WNT6: variants seen among roughly 807,000 people sequenced by gnomAD.
WNT6 encodes Wnt family member 6.
Under a neutral mutation model 33.1 loss-of-function variants are expected in WNT6, and 27 were observed. The observed-to-expected ratio is 0.82, with a 90% confidence interval of 0.60 to 1.12. WNT6 has a LOEUF of 1.12. WNT6 is among the 50% of genes most tolerant of loss of function. WNT6 has a pLI of 0.00. For synonymous variants in WNT6, 249 were observed against 242.8 expected, an observed-to-expected ratio of 1.03 and a Z score of -0.24; for missense variants, 494 against 535.3, an observed-to-expected ratio of 0.92 and a Z score of 0.76.
In WNT6 at chr2:218,873,108, C is replaced by G. The variant is rs1017177658; in HGVS notation, c.637-276C>G. On this transcript the variant is annotated intron_variant, in intron 3 of 3. Coordinates refer to ENST00000233948, the MANE Select transcript of WNT6 (RefSeq NM_006522.4). This position sits in a 1 kb window ranked among gnomAD's most constrained non-coding sequence, Gnocchi z 6.1. ...TGTCCATTCTGCTTTCTCCCCCACCCCCTGCCTTTGGACCCTGGAATCTCT... is the reference window on the plus strand; with the variant it reads ...TGTCCATTCTGCTTTCTCCCCCACCGCCTGCCTTTGGACCCTGGAATCTCT... 2.0e-5 allele frequency among the ~76,000 whole-genome samples: 3 copies of G among 152,148 alleles called. No individual in the cohort carries two copies. The highest frequency in any genetic ancestry group is 1.3e-4 in the Admixed American group (2 of 15,280).
intron 1 of WNT6, among the ~76,000 whole-genome samples, chr2:218,866,190 C>A (rs1315812525): frequency 6.6e-6 from 1 of 152,170 alleles, no homozygotes; most frequent in Non-Finnish European, 1.5e-5. Flanking sequence ...GGGCTCAGGG[C>A]TCCCTCTGCT....
intron 3 of WNT6, among the ~76,000 whole-genome samples, chr2:218,872,588 G>A (rs1944412650): frequency 6.6e-6 from 1 of 152,294 alleles, no homozygotes; most frequent in Non-Finnish European, 1.5e-5. Flanking sequence ...GACTCAGGAG[G>A]TGGGAGTGGG....
At chr2:218,861,356 A>G (rs896402516) in intron 1 of WNT6, among the ~76,000 whole-genome samples, 5 of 152,218 alleles carry the variant, frequency 3.3e-5, no homozygotes, top group African/African-American at 1.2e-4. Flanking sequence ...TTTGAAGCAG[A>G]TAGATCTAAG....
In WNT6 at chr2:218,873,581, G is replaced by T. The variant is rs2106006802; in HGVS notation, c.834G>T (p.Pro278=). 6.5e-7 allele frequency: 1 copy of T among 1,542,646 alleles called. No individual in the cohort carries two copies. Residue 278 remains proline (P), a synonymous_variant, in exon 4 of 4, where the codon CCG becomes CCT. Transcript: ENST00000233948. This position sits in a 1 kb window ranked among gnomAD's most constrained non-coding sequence, Gnocchi z 6.1. ...TGCCCGCCGTCCGCACGCTCAAGCC[G>T]CCGGGCCGAGCGGACCTCCTCTACG... The part of the protein sequence containing the change: ...ALLPAVRTLK[P]PGRADLLYAA...
Position 218,873,571 on chromosome 2 carries a change from C to T in WNT6, c.824C>T (p.Thr275Met), listed in dbSNP as rs1357292601. 1.9e-6 allele frequency: 3 copies of T among 1,539,706 alleles called. No homozygotes were observed. Among genetic ancestry groups the T allele is most frequent in the Non-Finnish European group, 2.6e-6 (3 of 1,146,868 alleles). ...AAGGCCCTGCTGCCCGCCGTCCGCA[C>T]GCTCAAGCCGCCGGGCCGAGCGGAC... is the stretch of plus-strand genomic sequence containing the variant. ...DGKALLPAVR[T>M]LKPPGRADLL... The change falls in exon 4 of 4, where the codon ACG becomes ATG. Residue 275 changes from threonine (T) to methionine (M), a missense_variant. Transcript: ENST00000233948. This position sits in a 1 kb window ranked among gnomAD's most constrained non-coding sequence, Gnocchi z 6.1.
Position 218,867,719 on chromosome 2 carries a change from G to A in WNT6, c.81-3308G>A, listed in dbSNP as rs1391744518. 6.6e-6 allele frequency among the ~76,000 whole-genome samples: 1 copy of A among 152,152 alleles called. No individual in the cohort carries two copies. Among genetic ancestry groups the A allele is most frequent in the Non-Finnish European group, 1.5e-5 (1 of 68,034 alleles). ...TCTCCCAAAGGAGCACATCTTCTCT[G>A]GGCTGATCCTAGGCCAATGCTGACC... On this transcript the variant is annotated intron_variant, in intron 1 of 3. Coordinates refer to ENST00000233948, the MANE Select transcript of WNT6 (RefSeq NM_006522.4). This position sits in a 1 kb window ranked among gnomAD's most constrained non-coding sequence, Gnocchi z 4.9.
intron 1 of WNT6, among the ~76,000 whole-genome samples, chr2:218,868,272 C>G (rs1222728852): frequency 6.6e-6 from 1 of 152,166 alleles, no homozygotes; most frequent in Non-Finnish European, 1.5e-5. Context: ...ATTCTCCCGT[C>G]TCTAGTCCCT....
chr2:218,872,460 C>A (rs188907072), intron 3 of WNT6, among the ~76,000 whole-genome samples: 1 of 152,258 alleles, frequency 6.6e-6, no homozygotes, highest in Admixed American at 6.5e-5. Flanking sequence ...CCAGGTCTCA[C>A]CTGCCCAGAG....
At chr2:218,872,436 C>T (rs1440594130) in intron 3 of WNT6, among the ~76,000 whole-genome samples, 1 of 152,152 alleles carries the variant, frequency 6.6e-6, no homozygotes, top group Non-Finnish European at 1.5e-5. Flanking sequence ...AACTGGCTGC[C>T]CAGCAACACC....
chr2:218,868,490 G>C (rs1445891675), intron 1 of WNT6, among the ~76,000 whole-genome samples: 1 of 152,286 alleles, frequency 6.6e-6, no homozygotes, highest in Non-Finnish European at 1.5e-5. Flanking sequence ...TAAGGGAAGT[G>C]GGGGTGGGGA....
intron 1 of WNT6, among the ~76,000 whole-genome samples, chr2:218,862,406 T>C (rs1295127773): frequency 6.6e-6 from 1 of 152,002 alleles, no homozygotes; most frequent in Non-Finnish European, 1.5e-5. Context: ...AGTGCAGTGG[T>C]GCGATCTTGG....
chr2:218,873,367 C>T lies in WNT6; in HGVS notation c.637-17C>T, dbSNP rs1389488218. On this transcript the variant is annotated splice_polypyrimidine_tract_variant and intron_variant, in intron 3 of 3. Coordinates refer to ENST00000233948, the MANE Select transcript of WNT6 (RefSeq NM_006522.4). This position sits in a 1 kb window ranked among gnomAD's most constrained non-coding sequence, Gnocchi z 6.1. ...CCCCTACCTGTCCACATGCGTCCGC[C>T]CCTCTGCCTCCCGCAGGCCGTGCGG... is the stretch of plus-strand genomic sequence containing the variant. 1 of 1,531,290 alleles carries T rather than the reference C, an allele frequency of 6.5e-7. No individual in the cohort carries two copies. Among genetic ancestry groups the T allele is most frequent in the South Asian group, 1.2e-5 (1 of 83,676 alleles). The allele number at this position is 1,531,290 out of a possible 1,614,324, so 94.9% of individuals were successfully genotyped here. A position where few individuals can be genotyped will look rare whatever the true frequency, so the allele number is the denominator to read the frequency against.
At position 218,873,483 on chromosome 2, in the gene WNT6, G is replaced by T. The variant is rs1944423452; in HGVS notation, c.736G>T (p.Val246Leu). The change falls in exon 4 of 4, where the codon GTG becomes TTG. Residue 246 changes from valine to leucine, a missense_variant. By Grantham distance (32) the Val-to-Leu change is conservative. Coordinates refer to ENST00000233948, the MANE Select transcript of WNT6 (RefSeq NM_006522.4). The surrounding 1 kb of genome is among the most constrained non-coding windows in gnomAD (Gnocchi z 6.1). Reference protein sequence around the residue: ...CWQKLPPFREVGARLLERFHG... With the variant: ...CWQKLPPFRELGARLLERFHG... ...GCAGAAGCTGCCTCCATTTCGCGAG[G>T]TGGGCGCGCGGCTGCTGGAGCGCTT... The T allele has an allele frequency of 6.5e-7, 1 of 1,538,972 alleles. No homozygotes were observed. The highest frequency in any genetic ancestry group is 1.4e-5 in the African/African-American group (1 of 73,146).
intron 1 of WNT6, among the ~76,000 whole-genome samples, chr2:218,864,976 A>G (rs1389629216): frequency 6.6e-6 from 1 of 152,120 alleles, no homozygotes; most frequent in Non-Finnish European, 1.5e-5. Context: ...GAGGGATACA[A>G]TGGGGCTGTG....
At chr2:218,868,443 G>A (rs1339948035) in intron 1 of WNT6, among the ~76,000 whole-genome samples, 1 of 152,160 alleles carries the variant, frequency 6.6e-6, no homozygotes, top group East Asian at 1.9e-4. Flanking sequence ...GTTAGCAGAG[G>A]GCAGGGTTGA....
chr2:218,869,430 G>A (rs1481248921), intron 1 of WNT6, among the ~76,000 whole-genome samples: 2 of 152,048 alleles, frequency 1.3e-5, no homozygotes, highest in Non-Finnish European at 2.9e-5. Context: ...AACATTCCTG[G>A]GCAGCCTGTA....
chr2:218,873,637 A>G lies in WNT6; in HGVS notation c.890A>G (p.Asn297Ser), dbSNP rs778620463. 7 of 1,580,086 alleles carry G rather than the reference A, an allele frequency of 4.4e-6. No individual in the cohort carries two copies. The African/African-American group carries it at 5.5e-5, about 12-fold the overall frequency. Residue 297 changes from asparagine to serine, a missense_variant, in exon 4 of 4, where the codon AAC becomes AGC. Coordinates refer to ENST00000233948, the MANE Select transcript of WNT6 (RefSeq NM_006522.4). This position sits in a 1 kb window ranked among gnomAD's most constrained non-coding sequence, Gnocchi z 6.1. ...AADSPDFCAP[N>S]RRTGSPGTRG... is the part of the protein sequence containing the mutation. ...GATTCGCCCGACTTCTGCGCCCCCAACCGACGCACCGGCTCCCCCGGCACG... is the reference window on the plus strand; with the variant it reads ...GATTCGCCCGACTTCTGCGCCCCCAGCCGACGCACCGGCTCCCCCGGCACG...
At position 218,871,288 on chromosome 2, in the gene WNT6, C is replaced by G. The variant is rs1362115815; in HGVS notation, c.301+41C>G. 10 of 1,574,898 alleles carry G rather than the reference C, an allele frequency of 6.3e-6. No individual in the cohort carries two copies. The South Asian group carries it at 1.0e-4, about 17-fold the overall frequency. On this transcript the variant is annotated intron_variant, in intron 2 of 3. Coordinates refer to ENST00000233948, the MANE Select transcript of WNT6 (RefSeq NM_006522.4). This position sits in a 1 kb window ranked among gnomAD's most constrained non-coding sequence, Gnocchi z 6.4. ...GGGCGGAAGTGGGGCTGCTTTCTCCCTGCTGTGGGACCCGAGGAGAGGAGA... is the reference window on the plus strand; with the variant it reads ...GGGCGGAAGTGGGGCTGCTTTCTCCGTGCTGTGGGACCCGAGGAGAGGAGA...
chr2:218,871,384 C>T lies in WNT6; in HGVS notation c.302-101C>T. 1 of 1,487,328 alleles carries T rather than the reference C, an allele frequency of 6.7e-7. No individual in the cohort carries two copies. The allele number at this position is 1,487,328 out of a possible 1,614,324, so 92.1% of individuals were successfully genotyped here. On this transcript the variant is annotated intron_variant, in intron 2 of 3. Coordinates refer to ENST00000233948, the MANE Select transcript of WNT6 (RefSeq NM_006522.4). This position sits in a 1 kb window ranked among gnomAD's most constrained non-coding sequence, Gnocchi z 6.4. Reference sequence around the variant, plus strand: ...GTCTGGGCACCCTGCAAGGACCCTGCCTCCCAGGCCCCTGGGGCAGCCCTC... The same window carrying T: ...GTCTGGGCACCCTGCAAGGACCCTGTCTCCCAGGCCCCTGGGGCAGCCCTC...
Sources: allele counts gnomAD v4.1 joint callset (sites outside exome capture counted in the v4.1 genomes callset), GRCh38; gene constraint gnomAD v4.1.1; non-coding constraint Gnocchi (gnomAD v3.1); transcripts MANE v1.5; gene names NCBI Gene and HGNC (gene_info 2026-07-23, HGNC 2026-07-21).